DGKI: variants seen among roughly 807,000 people sequenced by gnomAD.
DGKI encodes diacylglycerol kinase iota.
In DGKI, 55 loss-of-function variants were observed where a neutral mutation model predicts 147.5. That is an observed-to-expected ratio of 0.37 (90% CI 0.30 to 0.47). The LOEUF (loss-of-function observed/expected upper bound fraction) is 0.47. Ranked by LOEUF, DGKI falls within the 20% of genes least tolerant of loss-of-function variation. The pLI is 1.00. For missense variants in DGKI, 1,007 were observed against 1,323.8 expected (o/e 0.76, Z 3.71); for synonymous variants, 469 against 477.1 (o/e 0.98, Z 0.22).
At chr7:137,536,415 G>A (rs557457369) in intron 20 of DGKI, among the ~76,000 whole-genome samples, 4 of 152,206 alleles carry the variant, frequency 2.6e-5, no homozygotes, top group African/African-American at 9.6e-5. Flanking sequence ...CTTGCTAACA[G>A]GAAGGTGAGA....
intron 3 of DGKI, among the ~76,000 whole-genome samples, chr7:137,661,967 A>G (rs992931166): frequency 1.1e-4 from 17 of 152,234 alleles, no homozygotes; most frequent in African/African-American, 3.9e-4. Context: ...AGGTAAATGA[A>G]AACAAGAGTT....
chr7:137,699,416 C>T (rs1029792613), intron 1 of DGKI, among the ~76,000 whole-genome samples: 24 of 152,202 alleles, frequency 1.6e-4, no homozygotes, highest in African/African-American at 5.5e-4. Context: ...GGAAATGCCT[C>T]CTTTGTCTCC....
At position 137,387,875 on chromosome 7, in the gene DGKI, G is replaced by A. The variant is rs1299987965; in HGVS notation, c.*3345C>T. On this transcript the variant is annotated 3_prime_UTR_variant, in exon 33 of 33. Coordinates refer to ENST00000614521, the MANE Select transcript of DGKI (RefSeq NM_001321708.2). ...TTTAAAGCCATGAATATTATAAGGGGTCTAGTAAATAAATAAATTTCAGAA... is the reference window on the plus strand; with the variant it reads ...TTTAAAGCCATGAATATTATAAGGGATCTAGTAAATAAATAAATTTCAGAA... The A allele has an allele frequency of 6.6e-6, 1 of 152,124 alleles. No homozygotes were observed. The highest frequency in any genetic ancestry group is 1.5e-5 in the Non-Finnish European group (1 of 68,024). The allele number at this position is 152,124 out of a possible 1,614,324, so 9.4% of individuals were successfully genotyped here. A position where few individuals can be genotyped will look rare whatever the true frequency, so the allele number is the denominator to read the frequency against.
intron 1 of DGKI, among the ~76,000 whole-genome samples, chr7:137,769,408 T>G (rs1435109936): frequency 6.6e-6 from 1 of 152,226 alleles, no homozygotes; most frequent in East Asian, 1.9e-4. Flanking sequence ...TACCATTCAC[T>G]GAGTGATAAC....
intron 22 of DGKI, among the ~76,000 whole-genome samples, chr7:137,486,025 G>T: frequency 6.6e-6 from 1 of 152,044 alleles, no homozygotes; most frequent in East Asian, 1.9e-4. Flanking sequence ...GTTTTATAAC[G>T]AACTTGTCAC....
At position 137,407,883 on chromosome 7, in the gene DGKI, A is replaced by C. The variant is rs369364750; in HGVS notation, c.2912T>G (p.Leu971Arg). The C allele has an allele frequency of 1.2e-6, 2 of 1,614,094 alleles. No individual in the cohort carries two copies. The highest frequency in any genetic ancestry group is 1.7e-6 in the Non-Finnish European group (2 of 1,179,926). Residue 971 changes from leucine to arginine, a missense_variant, in exon 30 of 33, where the codon CTT (leucine) becomes CGT (arginine). Leu to Arg is a moderately radical substitution (Grantham distance 102). Around this residue, in one of 5 missense-constraint regions of DGKI, gnomAD observed 385 missense variants for 445.2 expected, o/e 0.86. Transcript: ENST00000614521. ...TCACTATGCCTACTTACCGTGGTCA[A>C]GGATATATTTCACAATCTCCCCGTT... ...TGNGEIVKYILDHGPSELLDM... is the reference protein window; with the variant it reads ...TGNGEIVKYIRDHGPSELLDM...
intron 1 of DGKI, chr7:137,722,100 G>A: frequency 1.3e-6 from 2 of 1,598,524 alleles, no homozygotes; most frequent in Non-Finnish European, 1.7e-6. Flanking sequence ...AAAAGCCCAA[G>A]AAGGGGAAGC....
chr7:137,818,181 C>A (rs961741776), intron 1 of DGKI, among the ~76,000 whole-genome samples: 1 of 152,202 alleles, frequency 6.6e-6, no homozygotes, highest in African/African-American at 2.4e-5. Flanking sequence ...AAACAAGCAA[C>A]TCAGAGATTT....
At chr7:137,427,678 A>G (rs987061695) in intron 28 of DGKI, among the ~76,000 whole-genome samples, 25 of 151,784 alleles carry the variant, frequency 1.6e-4, no homozygotes, top group African/African-American at 6.0e-4. Flanking sequence ...AAAAAAAGAG[A>G]GAAGAATCAA....
intron 2 of DGKI, among the ~76,000 whole-genome samples, chr7:137,680,387 A>T (rs1823195203): frequency 6.6e-6 from 1 of 152,242 alleles, no homozygotes; most frequent in Non-Finnish European, 1.5e-5. Context: ...ATGTAATGAA[A>T]ACCCATCTTA....
intron 8 of DGKI, among the ~76,000 whole-genome samples, chr7:137,613,879 C>A (rs1430945399): frequency 6.6e-6 from 1 of 152,128 alleles, no homozygotes; most frequent in African/African-American, 2.4e-5. Flanking sequence ...AAAACACACA[C>A]CCTTACACTC....
intron 10 of DGKI, among the ~76,000 whole-genome samples, chr7:137,603,586 A>T (rs902136117): frequency 2.0e-5 from 3 of 152,210 alleles, no homozygotes; most frequent in Admixed American, 6.5e-5. Flanking sequence ...AAATAAATTA[A>T]TTCACCAAAG....
intron 1 of DGKI, among the ~76,000 whole-genome samples, chr7:137,715,558 T>C (rs938578177): frequency 6.6e-6 from 1 of 152,194 alleles, no homozygotes; most frequent in African/African-American, 2.4e-5. Flanking sequence ...CAATTGGGTA[T>C]TAAATGGAGT....
intron 12 of DGKI, among the ~76,000 whole-genome samples, chr7:137,597,469 T>A (rs1240184622): frequency 6.6e-6 from 1 of 151,972 alleles, no homozygotes; most frequent in African/African-American, 2.4e-5. Flanking sequence ...AAAAACATAA[T>A]AATTCAATTG....
intron 1 of DGKI, among the ~76,000 whole-genome samples, chr7:137,726,596 G>T (rs764617365): frequency 3.3e-5 from 5 of 152,180 alleles, no homozygotes; most frequent in Admixed American, 2.6e-4. Context: ...CACATTCTAT[G>T]ATCATGAGCT....
chr7:137,545,857 A>G, intron 20 of DGKI: 1 of 695,158 alleles, frequency 1.4e-6, no homozygotes, highest in Non-Finnish European at 2.6e-6. Flanking sequence ...TGAGGAGACG[A>G]GGCTGGGGAG....
chr7:137,589,196 C>T (rs1300590199), intron 12 of DGKI, among the ~76,000 whole-genome samples: 1 of 152,188 alleles, frequency 6.6e-6, no homozygotes, highest in Non-Finnish European at 1.5e-5. Flanking sequence ...ATGGAATTTT[C>T]TCAAGACCAA....
chr7:137,562,763 A>G (rs974384796), intron 19 of DGKI, among the ~76,000 whole-genome samples: 2 of 152,174 alleles, frequency 1.3e-5, no homozygotes, highest in African/African-American at 4.8e-5. Flanking sequence ...TAATATGAAT[A>G]ATTCTATATC....
chr7:137,804,050 AC>A (rs554039727), intron 1 of DGKI, among the ~76,000 whole-genome samples: 412 of 152,368 alleles, frequency 2.7e-3, no homozygotes, highest in African/African-American at 9.2e-3. Context: ...AACACTGAGC[AC>A]ATGCTTTGGG....
Sources: gnomAD v4.1 joint callset for allele counts (sites outside exome capture counted in the v4.1 genomes callset) on GRCh38, gnomAD v4.1.1 for gene constraint, gnomAD v4.1.1 regional missense constraint, MANE v1.5 for transcripts, NCBI Gene and HGNC (gene_info 2026-07-23, HGNC 2026-07-21) for gene names.